ADGRD1: variants seen among roughly 807,000 people sequenced by gnomAD.
ADGRD1 encodes the protein G-protein coupled receptor 133.
A neutral mutation model predicts 113.4 loss-of-function variants in ADGRD1; 77 were observed. The ratio of observed to expected loss-of-function variants is 0.68; its 90% confidence interval spans 0.57 to 0.82. ADGRD1 has a LOEUF of 0.82. Ranked by LOEUF, ADGRD1 falls within the 40% of genes least tolerant of loss-of-function variation. The probability of loss-of-function intolerance (pLI) is 0.00; values close to 1 mark genes in which losing one functional copy is unlikely to be tolerated. For synonymous variants in ADGRD1, 474 were observed against 475.0 expected, an observed-to-expected ratio of 1.00 and a Z score of 0.03; for missense variants, 1,036 against 1,139.1, an observed-to-expected ratio of 0.91 and a Z score of 1.30.
intron 24 of ADGRD1, 45 bp from the exon 25 acceptor site, chr12:131,139,123 C>A (rs1387457499): frequency 1.3e-6 from 2 of 1,482,092 alleles, no homozygotes; most frequent in Non-Finnish European, 9.4e-7. Flanking sequence ...ATGGCTCTCC[C>A]CCTGGGAGCA....
chr12:131,138,964 G>T (rs568664644), intron 24 of ADGRD1, among the ~76,000 whole-genome samples: 2 of 152,188 alleles, frequency 1.3e-5, no homozygotes, highest in African/African-American at 4.8e-5. Context: ...GGGAGTCAGC[G>T]TGGAGAACCG....
rs1304464167 is a variant in ADGRD1, at chr12:131,022,649, G to T, written c.1473+8309G>T. 1 of 152,144 alleles carries T rather than the reference G, an allele frequency of 6.6e-6. No individual in the cohort carries two copies. The highest frequency in any genetic ancestry group is 2.4e-5 in the African/African-American group (1 of 41,426). The allele number at this position is 152,144 out of a possible 1,614,324, so 9.4% of individuals were successfully genotyped here. On this transcript the variant is annotated intron_variant, in intron 13 of 24. Transcript: ENST00000261654. This position sits in a 1 kb window ranked among gnomAD's most constrained non-coding sequence, Gnocchi z 4.6. ...CCAGTTGGTTTCTGCCTCCTTTGATGCCTCCCTCATTTTCTGAGTCCCTCC... is the reference window on the plus strand; with the variant it reads ...CCAGTTGGTTTCTGCCTCCTTTGATTCCTCCCTCATTTTCTGAGTCCCTCC...
chr12:130,955,722 C>T (rs776258950), intron 2 of ADGRD1, among the ~76,000 whole-genome samples: 39 of 152,216 alleles, frequency 2.6e-4, no homozygotes, highest in Non-Finnish European at 5.1e-4. Flanking sequence ...GGCACCCCCC[C>T]GAGCGCTATT....
chr12:131,140,608 T>A lies in ADGRD1; in HGVS notation c.*1345T>A, dbSNP rs190363816. ...AACTCTTCCTTTAAAACTGTGACCA[T>A]GATTTCATTCAGCCCCTCCACACCC... On this transcript the variant is annotated 3_prime_UTR_variant, in exon 25 of 25. Transcript: ENST00000261654. 6.6e-6 allele frequency: 1 copy of A among 152,348 alleles called. No homozygotes were observed. Among genetic ancestry groups the A allele is most frequent in the African/African-American group, 2.4e-5 (1 of 41,570 alleles). The allele number at this position is 152,348 out of a possible 1,614,324, so 9.4% of individuals were successfully genotyped here. A position where few individuals can be genotyped will look rare whatever the true frequency, so the allele number is the denominator to read the frequency against.
intron 2 of ADGRD1, among the ~76,000 whole-genome samples, chr12:130,956,180 C>T (rs535433935): frequency 6.6e-6 from 1 of 152,318 alleles, no homozygotes. Flanking sequence ...AGGGAGAGCC[C>T]CTTTCCTGGA....
chr12:131,129,219 G>C (rs1260250888), intron 20 of ADGRD1, among the ~76,000 whole-genome samples: 5 of 121,944 alleles, frequency 4.1e-5, no homozygotes, highest in African/African-American at 9.9e-5. Context: ...CCGCCCTGCT[G>C]TCTGGGTGTG....
At chr12:131,107,653 C>T (rs1950264448) in intron 17 of ADGRD1, among the ~76,000 whole-genome samples, 1 of 152,212 alleles carries the variant, frequency 6.6e-6, no homozygotes, top group African/African-American at 2.4e-5. Flanking sequence ...TGGTTGGTCC[C>T]ACCAGAGCCT....
intron 19 of ADGRD1, 54 bp downstream of exon 19, chr12:131,118,505 G>A: frequency 7.3e-7 from 1 of 1,368,180 alleles, no homozygotes; most frequent in South Asian, 1.3e-5. Context: ...AACAGCTTGT[G>A]GCGAGAGCCC....
chr12:131,034,242 T>C (rs982796947), intron 13 of ADGRD1, among the ~76,000 whole-genome samples: 6 of 152,222 alleles, frequency 3.9e-5, no homozygotes, highest in Non-Finnish European at 8.8e-5. Flanking sequence ...GCTCCCGCCA[T>C]GCGTCTGCCT....
At chr12:131,049,827 G>A (rs1343379594) in intron 13 of ADGRD1, among the ~76,000 whole-genome samples, 4 of 152,208 alleles carry the variant, frequency 2.6e-5, no homozygotes, top group Non-Finnish European at 5.9e-5. Flanking sequence ...GACCAGCTGT[G>A]CCTGTGAGTG....
intron 2 of ADGRD1, among the ~76,000 whole-genome samples, chr12:130,963,950 T>G (rs1870714779): frequency 6.6e-6 from 1 of 152,244 alleles, no homozygotes; most frequent in Admixed American, 6.5e-5. Flanking sequence ...AGCTAACTTT[T>G]TGCTTGCCAG....
At chr12:131,135,770 C>T (rs1951062877) in intron 21 of ADGRD1, among the ~76,000 whole-genome samples, 1 of 152,202 alleles carries the variant, frequency 6.6e-6, no homozygotes, top group African/African-American at 2.4e-5. Flanking sequence ...CAGATTCTCC[C>T]TATGGCCTAG....
intron 19 of ADGRD1, 57 bp downstream of exon 19, chr12:131,118,508 G>A (rs552205168): frequency 3.6e-5 from 48 of 1,331,514 alleles, no homozygotes; most frequent in Middle Eastern, 1.9e-4. Context: ...AGCTTGTGGC[G>A]AGAGCCCCGT....
At position 131,020,119 on chromosome 12, in the gene ADGRD1, T is replaced by C. The variant is rs112607809; in HGVS notation, c.1473+5779T>C. Among the ~76,000 whole-genome samples the C allele has an allele frequency of 5.7e-4, 41 of 72,204 alleles. 1 individual carries two copies. The highest frequency in any genetic ancestry group is 2.0e-3 in the Admixed American group (10 of 5,072). 47.4% of individuals were successfully genotyped at this position (72,204 alleles called of 152,430 possible). A position where few individuals can be genotyped will look rare whatever the true frequency, so the allele number is the denominator to read the frequency against. ...GAGAGATATTCCAGGGGCAGGACCC[T>C]GAGCTCCGTCCAGGGCAGGGGGTGC... On this transcript the variant is annotated intron_variant, in intron 13 of 24. Coordinates refer to ENST00000261654, the MANE Select transcript of ADGRD1 (RefSeq NM_198827.5).
chr12:131,066,413 C>T (rs560927406), intron 13 of ADGRD1, among the ~76,000 whole-genome samples: 10 of 152,096 alleles, frequency 6.6e-5, no homozygotes, highest in South Asian at 2.1e-4. Flanking sequence ...GGCTGTGGGG[C>T]GGTGGCCCTG....
intron 13 of ADGRD1, among the ~76,000 whole-genome samples, chr12:131,063,510 A>AG (rs1387743143): frequency 6.6e-6 from 1 of 152,032 alleles, no homozygotes; most frequent in East Asian, 1.9e-4. Flanking sequence ...CTATTTGTTG[A>AG]GGGGGAAAAA....
At chr12:130,977,820 G>C (rs1347103194) in intron 4 of ADGRD1, 1 of 152,364 alleles carries the variant, frequency 6.6e-6, no homozygotes. Context: ...GCCCTCCTGG[G>C]CCGCTGCTTT....
chr12:131,117,140 A>G (rs1383327012), intron 18 of ADGRD1, among the ~76,000 whole-genome samples: 1 of 152,266 alleles, frequency 6.6e-6, no homozygotes, highest in Non-Finnish European at 1.5e-5. Context: ...TAGTGTGGCC[A>G]TAGAGTGTTT....
At chr12:131,018,533 A>G (rs1219948424) in intron 13 of ADGRD1, among the ~76,000 whole-genome samples, 1 of 152,022 alleles carries the variant, frequency 6.6e-6, no homozygotes, top group Non-Finnish European at 1.5e-5. Context: ...GTGCTGCCCC[A>G]TCATTCACTG....
Sources: allele counts gnomAD v4.1 joint callset (sites outside exome capture counted in the v4.1 genomes callset), GRCh38; gene constraint gnomAD v4.1.1; non-coding constraint Gnocchi (gnomAD v3.1); transcripts MANE v1.5; gene names NCBI Gene and HGNC (gene_info 2026-07-23, HGNC 2026-07-21).